ANO4: variants seen among roughly 807,000 people sequenced by gnomAD.
ANO4 encodes the protein anoctamin 4.
In ANO4, 69 loss-of-function variants were observed where a neutral mutation model predicts 141.9. The observed-to-expected ratio is 0.49, with a 90% CI of 0.40 to 0.59. ANO4 has a LOEUF of 0.59. ANO4 is among the 20% of genes least tolerant of loss of function. ANO4 has a pLI of 0.00. For missense variants in ANO4, 894 were observed against 1,162.2 expected, an observed-to-expected ratio of 0.77 and a Z score of 3.36; for synonymous variants, 350 against 394.3, an observed-to-expected ratio of 0.89 and a Z score of 1.33.
At chr12:101,086,080 C>CTG (rs56891905) in intron 16 of ANO4, among the ~76,000 whole-genome samples, 31,018 of 131,406 alleles carry the variant, frequency 0.24, 4,140 homozygotes, top group East Asian at 0.37. Context: ...GTTAACTAGG[C>CTG]TGTGTGTGTG....
At chr12:101,051,440 C>A (rs1023567236) in intron 14 of ANO4, among the ~76,000 whole-genome samples, 1 of 152,284 alleles carries the variant, frequency 6.6e-6, no homozygotes, top group Non-Finnish European at 1.5e-5. Context: ...TCTTAGATGA[C>A]AACTTATTGC....
intron 1 of ANO4, among the ~76,000 whole-genome samples, chr12:100,804,018 G>A (rs920581561): frequency 6.6e-6 from 1 of 151,858 alleles, no homozygotes; most frequent in African/African-American, 2.4e-5. Flanking sequence ...ATAGGTAAAC[G>A]TGTGCCAGGG....
At chr12:101,029,490 A>G (rs1319393753) in intron 9 of ANO4, among the ~76,000 whole-genome samples, 1 of 152,234 alleles carries the variant, frequency 6.6e-6, no homozygotes, top group Non-Finnish European at 1.5e-5. Flanking sequence ...AAAATTTACC[A>G]AGCAAATGGA....
chr12:101,074,492 C>T (rs1358117347), intron 14 of ANO4, among the ~76,000 whole-genome samples: 1 of 152,218 alleles, frequency 6.6e-6, no homozygotes, highest in Non-Finnish European at 1.5e-5. Context: ...CCTTTGGTCA[C>T]ATCTAATGCA....
chr12:101,019,932 T>C, intron 8 of ANO4, 102 bp from the exon 9 acceptor site: 1 of 864,320 alleles, frequency 1.2e-6, no homozygotes, highest in Non-Finnish European at 1.9e-6. Flanking sequence ...TGTCTATGAC[T>C]GACTGAAGAC....
intron 2 of ANO4, among the ~76,000 whole-genome samples, chr12:100,739,638 C>T (rs543377205): frequency 5.1e-4 from 78 of 152,092 alleles, no homozygotes; most frequent in Non-Finnish European, 9.7e-4. Context: ...TCCTTGAAGG[C>T]AGAGTGGGCA....
chr12:101,002,814 A>C (rs2045707948), intron 8 of ANO4, among the ~76,000 whole-genome samples: 1 of 152,210 alleles, frequency 6.6e-6, no homozygotes, highest in African/African-American at 2.4e-5. Context: ...GCCAAAAGTA[A>C]TTAGAAGGGA....
chr12:101,032,044 A>G (rs938997946), intron 9 of ANO4, among the ~76,000 whole-genome samples: 1 of 152,204 alleles, frequency 6.6e-6, no homozygotes, highest in Non-Finnish European at 1.5e-5. Flanking sequence ...TTCCCATCAA[A>G]CTACCATTGA....
At chr12:100,739,083 A>T (rs1468988620) in intron 2 of ANO4, among the ~76,000 whole-genome samples, 1 of 141,806 alleles carries the variant, frequency 7.1e-6, no homozygotes, top group African/African-American at 2.5e-5. Flanking sequence ...CTAAATCTTT[A>T]TGTATATATA....
At chr12:101,108,797 T>C (rs1441452759) in intron 22 of ANO4, among the ~76,000 whole-genome samples, 1 of 152,192 alleles carries the variant, frequency 6.6e-6, no homozygotes, top group African/African-American at 2.4e-5. Flanking sequence ...AAATTTTTAT[T>C]TTGCAAGTTG....
chr12:100,775,264 G>A (rs1451123920), intron 3 of ANO4, among the ~76,000 whole-genome samples: 1 of 152,190 alleles, frequency 6.6e-6, no homozygotes, highest in African/African-American at 2.4e-5. Context: ...GTTGCTAGAA[G>A]TGTACCTCCT....
chr12:100,902,771 A>G (rs1177681001), intron 2 of ANO4, among the ~76,000 whole-genome samples: 2 of 152,138 alleles, frequency 1.3e-5, no homozygotes, highest in Non-Finnish European at 2.9e-5. Flanking sequence ...CTTCAAATGT[A>G]TTGCTCTTTA....
intron 1 of ANO4, among the ~76,000 whole-genome samples, chr12:100,891,356 T>C (rs920945164): frequency 6.6e-6 from 1 of 152,228 alleles, no homozygotes; most frequent in African/African-American, 2.4e-5. Flanking sequence ...GATTGCTGGA[T>C]TGTATGGTGA....
intron 8 of ANO4, among the ~76,000 whole-genome samples, chr12:101,001,647 C>T (rs1031781896): frequency 6.6e-6 from 1 of 152,100 alleles, no homozygotes; most frequent in African/African-American, 2.4e-5. Flanking sequence ...TGGGAGGCTA[C>T]TGGTATTGTT....
chr12:100,786,034 A>G (rs1257237178), intron 3 of ANO4, among the ~76,000 whole-genome samples: 1 of 152,188 alleles, frequency 6.6e-6, no homozygotes, highest in Admixed American at 6.5e-5. Context: ...AGCTCAAGTA[A>G]TAGAACTTGA....
intron 8 of ANO4, among the ~76,000 whole-genome samples, chr12:100,995,408 G>A (rs1321118908): frequency 6.6e-6 from 1 of 152,176 alleles, no homozygotes; most frequent in Non-Finnish European, 1.5e-5. Context: ...TAGAGGCGTG[G>A]GAGGGAGCCT....
chr12:100,808,608 G>A (rs933207436), intron 1 of ANO4, among the ~76,000 whole-genome samples: 14 of 151,988 alleles, frequency 9.2e-5, no homozygotes, highest in Non-Finnish European at 1.9e-4. Flanking sequence ...ATTTTGGCAC[G>A]TATTTTTTAA....
chr12:100,861,812 ATTCTAT>A (rs1434764917), intron 1 of ANO4, among the ~76,000 whole-genome samples: 1 of 152,186 alleles, frequency 6.6e-6, no homozygotes. Context: ...TTGCATTCTT[ATTCTAT>A]AAGTTTTTTT....
intron 5 of ANO4, among the ~76,000 whole-genome samples, chr12:100,946,807 G>A (rs986325427): frequency 6.6e-5 from 10 of 152,284 alleles, no homozygotes; most frequent in East Asian, 1.9e-4. Context: ...GTTACAATTT[G>A]GATGATAAAA....
Sources: allele counts gnomAD v4.1 joint callset (sites outside exome capture counted in the v4.1 genomes callset), GRCh38; gene constraint gnomAD v4.1.1; transcripts MANE v1.5; gene names NCBI Gene and HGNC (gene_info 2026-07-23, HGNC 2026-07-21).